SPMIP11: variants seen among roughly 807,000 people sequenced by gnomAD.
SPMIP11 encodes sperm microtubule inner protein 11, also known as long intergenic non-protein coding RNA 935.
At chr12:48,758,052 C>T in the SPMIP11 span, among the ~76,000 whole-genome samples, 16 of 152,012 alleles carry the variant, frequency 1.1e-4, no homozygotes, top group South Asian at 2.1e-4. Context: ...CCTGTAGTCC[C>T]GGCACTTCGG....
At chr12:48,765,565 G>A in the SPMIP11 span, 130 of 702,534 alleles carry the variant, frequency 1.9e-4, 1 homozygote, top group Admixed American at 2.6e-3. Flanking sequence ...CTGCTCTCCA[G>A]CCTGGCCTGG....
the SPMIP11 span, among the ~76,000 whole-genome samples, chr12:48,751,936 G>A: frequency 9.9e-5 from 15 of 151,586 alleles, no homozygotes; most frequent in African/African-American, 2.7e-4. Flanking sequence ...ATGTGTTAGC[G>A]GGTGCCTGTA....
the SPMIP11 span, among the ~76,000 whole-genome samples, chr12:48,746,845 C>T: frequency 1.1e-4 from 16 of 151,830 alleles, no homozygotes; most frequent in South Asian, 4.2e-4. Flanking sequence ...CACTTGAACC[C>T]GGGAGGCGGA....
the SPMIP11 span, chr12:48,771,159 C>T: frequency 1.6e-6 from 1 of 610,694 alleles, no homozygotes; most frequent in Non-Finnish European, 2.9e-6. This position sits in a 1 kb window ranked among gnomAD's most constrained non-coding sequence, Gnocchi z 4.3. Flanking sequence ...CCAGGCAGGA[C>T]TTGGGCATAC....
the SPMIP11 span, among the ~76,000 whole-genome samples, chr12:48,730,043 C>T: frequency 4.6e-5 from 7 of 152,102 alleles, no homozygotes; most frequent in Admixed American, 6.6e-5. Flanking sequence ...TAAGCCTCTC[C>T]TGGCTGCTCC....
the SPMIP11 span, among the ~76,000 whole-genome samples, chr12:48,763,869 G>A: frequency 6.6e-6 from 1 of 151,756 alleles, no homozygotes; most frequent in Non-Finnish European, 1.5e-5. Context: ...AGTAGAGATG[G>A]GTTTCACCAT....
the SPMIP11 span, among the ~76,000 whole-genome samples, chr12:48,761,091 G>A: frequency 6.6e-6 from 1 of 152,148 alleles, no homozygotes; most frequent in African/African-American, 2.4e-5. Context: ...CTATTGTCAA[G>A]AGAGAACATG....
At chr12:48,732,170 G>A in the SPMIP11 span, among the ~76,000 whole-genome samples, 1 of 149,558 alleles carries the variant, frequency 6.7e-6, no homozygotes. Context: ...AAACATAAAA[G>A]CCCCTCAAAC....
chr12:48,727,554 A>G, the SPMIP11 span: 5 of 702,870 alleles, frequency 7.1e-6, no homozygotes, highest in Non-Finnish European at 1.3e-5. Flanking sequence ...ACAACTGAAG[A>G]AACAAGTAAG....
At chr12:48,730,739 A>G in the SPMIP11 span, among the ~76,000 whole-genome samples, 1 of 152,046 alleles carries the variant, frequency 6.6e-6, no homozygotes, top group Non-Finnish European at 1.5e-5. Flanking sequence ...GGAGTTCGAG[A>G]CCAGCCTGGC....
At chr12:48,750,669 A>G in the SPMIP11 span, among the ~76,000 whole-genome samples, 74 of 152,186 alleles carry the variant, frequency 4.9e-4, no homozygotes, top group Non-Finnish European at 9.1e-4. Context: ...TTCGTCTCCT[A>G]GCAAGTCCAC....
chr12:48,752,871 C>A, the SPMIP11 span, among the ~76,000 whole-genome samples: 1 of 151,968 alleles, frequency 6.6e-6, no homozygotes, highest in Non-Finnish European at 1.5e-5. Flanking sequence ...GGGATTTCAT[C>A]GTGTTGGCCA....
the SPMIP11 span, among the ~76,000 whole-genome samples, chr12:48,741,768 T>C: frequency 6.6e-6 from 1 of 152,000 alleles, no homozygotes. Context: ...GCCTTCCAAG[T>C]AGCTGGGACT....
At chr12:48,746,920 C>CAA in the SPMIP11 span, among the ~76,000 whole-genome samples, 42 of 131,826 alleles carry the variant, frequency 3.2e-4, no homozygotes, top group African/African-American at 1.1e-3. Context: ...GACTCTGTCT[C>CAA]AAAAAAAAAA....
At chr12:48,762,098 T>G in the SPMIP11 span, among the ~76,000 whole-genome samples, 34 of 134,998 alleles carry the variant, frequency 2.5e-4, no homozygotes, top group East Asian at 5.5e-3. Context: ...TCACTCTGTC[T>G]CCCAGGCTGG....
At chr12:48,743,933 C>CAAAAAAAAAAAAAAAAAAAAA in the SPMIP11 span, among the ~76,000 whole-genome samples, 1 of 34,890 alleles carries the variant, frequency 2.9e-5, no homozygotes, top group African/African-American at 1.1e-4. Flanking sequence ...GACTTCGTCT[C>CAAAAAAAAAAAAAAAAAAAAA]AAAAAAAAAA....
the SPMIP11 span, among the ~76,000 whole-genome samples, chr12:48,759,007 T>A: frequency 1.3e-5 from 2 of 152,308 alleles, no homozygotes; most frequent in Admixed American, 1.3e-4. Context: ...AAGAGAGTGG[T>A]AAGGGAGGTC....
the SPMIP11 span, chr12:48,759,372 G>A: frequency 1.4e-6 from 1 of 700,560 alleles, no homozygotes; most frequent in African/African-American, 1.7e-5. Flanking sequence ...GAGAAAAAAA[G>A]ATATGTCTGA....
chr12:48,748,161 T>C, the SPMIP11 span, among the ~76,000 whole-genome samples: 1 of 152,172 alleles, frequency 6.6e-6, no homozygotes, highest in Admixed American at 6.6e-5. Flanking sequence ...CTTTCCATCA[T>C]CCCATTTAAC....
Sources: allele counts gnomAD v4.1 joint callset (sites outside exome capture counted in the v4.1 genomes callset), GRCh38; gene constraint gnomAD v4.1.1; non-coding constraint Gnocchi (gnomAD v3.1); transcripts MANE v1.5; gene names NCBI Gene and HGNC (gene_info 2026-07-23, HGNC 2026-07-21).